The following AP3S1 variants were observed in gnomAD, a reference collection of about 807,000 sequenced individuals.
AP3S1 encodes the protein AP-3 complex subunit sigma-1.
Under a neutral mutation model 21.3 loss-of-function variants are expected in AP3S1, and 12 were observed. That is an observed-to-expected ratio of 0.56 (90% confidence interval 0.36 to 0.91). The LOEUF is 0.91. Among genes scored for constraint, AP3S1 ranks in the 40% least tolerant of loss-of-function variants. The pLI, the probability that AP3S1 is intolerant of heterozygous loss-of-function variation, is 0.01. For synonymous variants in AP3S1, 48 were observed against 78.4 expected, an observed-to-expected ratio of 0.61 and a Z score of 2.05; for missense variants, 116 against 225.0, an observed-to-expected ratio of 0.52 and a Z score of 3.10.
chr5:115,901,336 A>C (rs1580735935), intron 4 of AP3S1, among the ~76,000 whole-genome samples: 1 of 151,374 alleles, frequency 6.6e-6, no homozygotes, highest in Non-Finnish European at 1.5e-5. Context: ...TGTGGTAGAG[A>C]CTATTGTTGT....
intron 5 of AP3S1, among the ~76,000 whole-genome samples, chr5:115,909,308 T>A (rs1346582156): frequency 1.3e-5 from 2 of 152,198 alleles, no homozygotes; most frequent in Non-Finnish European, 2.9e-5. Context: ...TCTGGCAATT[T>A]AAAAACAAAA....
intron 3 of AP3S1, among the ~76,000 whole-genome samples, chr5:115,879,903 G>A (rs1375373904): frequency 1.3e-5 from 2 of 152,148 alleles, no homozygotes; most frequent in Non-Finnish European, 2.9e-5. Context: ...GTCTGGTTCA[G>A]AGATTCGACT....
chr5:115,842,662 T>C (rs2112749801), intron 1 of AP3S1: 1 of 152,760 alleles, frequency 6.5e-6, no homozygotes, highest in East Asian at 1.9e-4. Context: ...GCTTCCTGCG[T>C]TTGATAACTG....
intron 1 of AP3S1, among the ~76,000 whole-genome samples, chr5:115,858,590 G>A (rs904974504): frequency 1.3e-5 from 2 of 151,798 alleles, no homozygotes; most frequent in African/African-American, 4.8e-5. Flanking sequence ...TTCTGTTCTC[G>A]AGTCTCCTTT....
At position 115,882,725 on chromosome 5, in the gene AP3S1, A is replaced by G. The variant is rs147982794; in HGVS notation, c.274-12362A>G. ...GTCTGTCTCTTATCAGAGCTCGAGC[A>G]CTGTGCTGGGAGATCTGCTGCTCTA... On this transcript the variant is annotated intron_variant, in intron 3 of 5. Coordinates refer to ENST00000316788, the MANE Select transcript of AP3S1 (RefSeq NM_001284.4). Among the ~76,000 whole-genome samples, 710 of 152,310 alleles carry G rather than the reference A, an allele frequency of 4.7e-3. 3 individuals carry two copies. Among genetic ancestry groups the G allele is most frequent in the Non-Finnish European group, 6.2e-3 (421 of 68,028 alleles).
chr5:115,909,983 G>A (rs1751965456), intron 5 of AP3S1, among the ~76,000 whole-genome samples: 1 of 152,148 alleles, frequency 6.6e-6, no homozygotes, highest in South Asian at 2.1e-4. Flanking sequence ...GTCATGTGAG[G>A]CCAGGTGCAC....
At chr5:115,887,829 C>A (rs531124145) in intron 3 of AP3S1, among the ~76,000 whole-genome samples, 117 of 152,046 alleles carry the variant, frequency 7.7e-4, no homozygotes, top group African/African-American at 2.6e-3. Flanking sequence ...ATAATAGATA[C>A]CTGTTACTCT....
At chr5:115,889,713 C>A (rs574148750) in intron 3 of AP3S1, among the ~76,000 whole-genome samples, 1 of 152,004 alleles carries the variant, frequency 6.6e-6, no homozygotes, top group Non-Finnish European at 1.5e-5. Flanking sequence ...AAAATACAGA[C>A]CCTTGTAATC....
At chr5:115,891,859 G>T (rs961979394) in intron 3 of AP3S1, among the ~76,000 whole-genome samples, 1 of 152,200 alleles carries the variant, frequency 6.6e-6, no homozygotes, top group Non-Finnish European at 1.5e-5. Flanking sequence ...GCCCAAGGCC[G>T]TGGGAGCCCA....
intron 1 of AP3S1, among the ~76,000 whole-genome samples, chr5:115,855,506 A>G (rs1351525189): frequency 1.3e-5 from 2 of 149,568 alleles, no homozygotes; most frequent in African/African-American, 2.5e-5. Context: ...TGCCCAGCTA[A>G]TTTTTGTATT....
chr5:115,870,212 A>C, intron 3 of AP3S1, 84 bp downstream of exon 3: 1 of 817,172 alleles, frequency 1.2e-6, no homozygotes, highest in Non-Finnish European at 1.9e-6. Flanking sequence ...AAATTTTCTA[A>C]AATGATGTTA....
intron 4 of AP3S1, among the ~76,000 whole-genome samples, chr5:115,897,172 T>C (rs1183002608): frequency 6.6e-6 from 1 of 152,230 alleles, no homozygotes; most frequent in Non-Finnish European, 1.5e-5. Context: ...TACTTGATTT[T>C]ACATCTTTAA....
At position 115,842,107 on chromosome 5, in the gene AP3S1, G is replaced by A. The variant is rs774342712; in HGVS notation, c.69+1G>A. 1.1e-6 allele frequency: 1 copy of A among 884,604 alleles called. No individual in the cohort carries two copies. Among genetic ancestry groups the A allele is most frequent in the Non-Finnish European group, 1.6e-6 (1 of 641,882 alleles). The allele number at this position is 884,604 out of a possible 1,614,324, so 54.8% of individuals were successfully genotyped here. On this transcript the variant is annotated splice_donor_variant, in intron 1 of 5. Coordinates refer to ENST00000316788, the MANE Select transcript of AP3S1 (RefSeq NM_001284.4). LOFTEE classifies it high-confidence loss of function. ...GCTCTCCAAGTTCTACCAGCCCTAC[G>A]TGAGTATCCAGCCGCCGCTGATCCG...
chr5:115,904,501 A>G (rs143731145), intron 5 of AP3S1, among the ~76,000 whole-genome samples: 1 of 152,168 alleles, frequency 6.6e-6, no homozygotes, highest in African/African-American at 2.4e-5. Flanking sequence ...TCAATTTCCC[A>G]TTCCTGTTGG....
intron 3 of AP3S1, among the ~76,000 whole-genome samples, chr5:115,872,487 C>T (rs982140661): frequency 6.6e-6 from 1 of 151,748 alleles, no homozygotes; most frequent in South Asian, 2.1e-4. Flanking sequence ...TGAAGATTGG[C>T]GGCAGTGAGG....
chr5:115,877,662 T>C (rs1486145414), intron 3 of AP3S1, among the ~76,000 whole-genome samples: 2 of 152,186 alleles, frequency 1.3e-5, no homozygotes, highest in Non-Finnish European at 2.9e-5. Flanking sequence ...AGTAAACATA[T>C]GTGTGCATGT....
At chr5:115,860,777 C>G (rs1367686127) in intron 1 of AP3S1, among the ~76,000 whole-genome samples, 1 of 152,122 alleles carries the variant, frequency 6.6e-6, no homozygotes, top group Non-Finnish European at 1.5e-5. Flanking sequence ...CAAAAAAGCC[C>G]TTTAATATTG....
chr5:115,906,449 G>A (rs1751659966), intron 5 of AP3S1, among the ~76,000 whole-genome samples: 1 of 152,120 alleles, frequency 6.6e-6, no homozygotes, highest in Non-Finnish European at 1.5e-5. Flanking sequence ...ACAGGTGGAA[G>A]CAAAGCTCTG....
At position 115,895,123 on chromosome 5, in the gene AP3S1, G is replaced by A. The variant is rs1750642592; in HGVS notation, c.310G>A (p.Val104Ile). 6.2e-7 allele frequency: 1 copy of A among 1,606,208 alleles called. No homozygotes were observed. Among genetic ancestry groups the A allele is most frequent in the Non-Finnish European group, 8.5e-7 (1 of 1,176,252 alleles). The change falls in exon 4 of 6, where the codon GTC (valine) becomes ATC (isoleucine). Residue 104 changes from valine (V) to isoleucine (I), a missense_variant. By Grantham distance (29) the Val-to-Ile change is conservative. Around this residue, in one of 3 missense-constraint regions of AP3S1, gnomAD observed 65 missense variants for 148.2 expected, o/e 0.44. Transcript: ENST00000316788. ...VETLDKCFENVCELDLIFHVD... is the reference protein window; with the variant it reads ...VETLDKCFENICELDLIFHVD... ...AACATTAGACAAATGTTTTGAAAAT[G>A]TCTGTGAGCTGGATTTGATTTTCCA...
Sources: gnomAD v4.1 joint callset for allele counts (sites outside exome capture counted in the v4.1 genomes callset) on GRCh38, gnomAD v4.1.1 for gene constraint, gnomAD v4.1.1 regional missense constraint, MANE v1.5 for transcripts, NCBI Gene and HGNC (gene_info 2026-07-23, HGNC 2026-07-21) for gene names.